The following PCDH11Y variants were observed in gnomAD, a reference collection of about 807,000 sequenced individuals.
PCDH11Y encodes the protein protocadherin-11 Y-linked.
For synonymous variants in PCDH11Y, 9 were observed against 83.6 expected (o/e 0.11, Z 4.87); for missense variants, 12 against 224.8 (o/e 0.05, Z 6.05).
At chrY:5,629,442 G>A (rs2053510533) in intron 4 of PCDH11Y, among the ~76,000 whole-genome samples, 2 of 34,556 alleles carry the variant, frequency 5.8e-5, no homozygotes. Flanking sequence ...CATTCATTTG[G>A]TAATAACTAA....
chrY:5,137,842 C>CCA (rs2052842719), intron 2 of PCDH11Y, among the ~76,000 whole-genome samples: 1 of 32,949 alleles, frequency 3.0e-5, no homozygotes, highest in Non-Finnish European at 7.5e-5. Flanking sequence ...CTTCAGTACT[C>CCA]CACTGCCAGC....
chrY:5,580,644 A>G, intron 3 of PCDH11Y, among the ~76,000 whole-genome samples: 1 of 32,678 alleles, frequency 3.1e-5, no homozygotes. Context: ...TTGTATTACC[A>G]TTAAATTACA....
chrY:5,419,823 C>A, intron 2 of PCDH11Y, among the ~76,000 whole-genome samples: 1 of 32,661 alleles, frequency 3.1e-5, no homozygotes, highest in Non-Finnish European at 7.5e-5. Context: ...CTTTATGATT[C>A]CATTTAACCT....
chrY:5,318,513 A>G (rs2053109330), intron 2 of PCDH11Y, among the ~76,000 whole-genome samples: 1 of 33,318 alleles, frequency 3.0e-5, no homozygotes, highest in Admixed American at 2.8e-4. Flanking sequence ...AAATGTCCAC[A>G]TTTCTCATTT....
At chrY:5,365,477 T>C in intron 2 of PCDH11Y, among the ~76,000 whole-genome samples, 1 of 33,273 alleles carries the variant, frequency 3.0e-5, no homozygotes. Context: ...TTTGCTTTCA[T>C]AGTTACAGAT....
intron 3 of PCDH11Y, among the ~76,000 whole-genome samples, chrY:5,536,138 G>A: frequency 3.2e-5 from 1 of 31,718 alleles, no homozygotes; most frequent in Non-Finnish European, 7.7e-5. Context: ...ATGTTAGCCA[G>A]GATGGTCTTG....
chrY:5,733,152 C>T (rs2053606797), intron 4 of PCDH11Y, among the ~76,000 whole-genome samples: 1 of 33,345 alleles, frequency 3.0e-5, no homozygotes, highest in East Asian at 7.9e-4. Flanking sequence ...TCTGCATTTA[C>T]ATTTTGGTTA....
chrY:5,112,318 G>A, intron 2 of PCDH11Y, among the ~76,000 whole-genome samples: 1 of 32,266 alleles, frequency 3.1e-5, no homozygotes, highest in African/African-American at 1.2e-4. Flanking sequence ...TGTTATCTAA[G>A]TACTAGTACA....
chrY:5,255,891 GA>G (rs2053010199), intron 2 of PCDH11Y, among the ~76,000 whole-genome samples: 1 of 33,375 alleles, frequency 3.0e-5, no homozygotes. Flanking sequence ...CAGATTATTA[GA>G]TTTTTTTTCC....
exon 5 of PCDH11Y, chrY:5,742,224 A>G: frequency 3.1e-5 from 1 of 32,298 alleles, no homozygotes; most frequent in Middle Eastern, 0.014. Flanking sequence ...TGAGAAATAA[A>G]CATTCATTTT....
chrY:5,504,967 A>G, intron 3 of PCDH11Y, among the ~76,000 whole-genome samples: 1 of 33,291 alleles, frequency 3.0e-5, no homozygotes, highest in Non-Finnish European at 7.5e-5. Flanking sequence ...ATGTCTACAC[A>G]TTAAACTTCT....
intron 2 of PCDH11Y, among the ~76,000 whole-genome samples, chrY:5,384,507 C>T: frequency 3.4e-5 from 1 of 29,754 alleles, no homozygotes; most frequent in African/African-American, 1.3e-4. Flanking sequence ...ATAAAAAACA[C>T]AAGTGTCTGT....
At chrY:5,366,724 T>C in intron 2 of PCDH11Y, among the ~76,000 whole-genome samples, 1 of 23,408 alleles carries the variant, frequency 4.3e-5, no homozygotes, top group African/African-American at 1.7e-4. Flanking sequence ...AATTCTTTTC[T>C]TTTTTTTTTT....
At chrY:5,628,115 C>T in intron 4 of PCDH11Y, among the ~76,000 whole-genome samples, 1 of 33,270 alleles carries the variant, frequency 3.0e-5, no homozygotes, top group Non-Finnish European at 7.4e-5. Context: ...TTAGCCACTG[C>T]TCTGCAATTA....
chrY:5,589,028 C>T, intron 4 of PCDH11Y, among the ~76,000 whole-genome samples: 1 of 32,845 alleles, frequency 3.0e-5, no homozygotes, highest in Non-Finnish European at 7.5e-5. Flanking sequence ...TATGTCATTA[C>T]TTTTATTCTT....
chrY:5,718,239 G>T, intron 4 of PCDH11Y, among the ~76,000 whole-genome samples: 1 of 33,137 alleles, frequency 3.0e-5, no homozygotes, highest in Non-Finnish European at 7.4e-5. Context: ...ATAACTAAAA[G>T]AATATAATTA....
chrY:5,424,601 TAA>T (rs2053261321), intron 2 of PCDH11Y, among the ~76,000 whole-genome samples: 1 of 34,422 alleles, frequency 2.9e-5, no homozygotes, highest in Non-Finnish European at 7.3e-5. Flanking sequence ...CACCGCATTC[TAA>T]AATCTTTTAC....
intron 2 of PCDH11Y, among the ~76,000 whole-genome samples, chrY:5,401,610 CCT>C (rs2053233933): frequency 3.1e-5 from 1 of 32,086 alleles, no homozygotes. Flanking sequence ...TCCACCACCC[CCT>C]GACAGGCCCT....
intron 2 of PCDH11Y, among the ~76,000 whole-genome samples, chrY:5,360,935 AT>A (rs2053174097): frequency 3.0e-5 from 1 of 33,053 alleles, no homozygotes; most frequent in Non-Finnish European, 7.4e-5. Context: ...GGAATAGGAG[AT>A]AAGGTCAGAG....
Sources: allele counts gnomAD v4.1 joint callset (sites outside exome capture counted in the v4.1 genomes callset), GRCh38; gene constraint gnomAD v4.1.1; transcripts MANE v1.5; gene names NCBI Gene and HGNC (gene_info 2026-07-23, HGNC 2026-07-21).